Variants in DGCR2 observed in about 807,000 individuals in gnomAD.
The protein encoded by DGCR2 is DiGeorge syndrome critical region gene 2.
In DGCR2, 24 loss-of-function variants were observed where a neutral mutation model predicts 51.6. The observed-to-expected ratio is 0.47, with a 90% CI of 0.34 to 0.65. The LOEUF is 0.65. Ranked by LOEUF, DGCR2 falls within the 30% of genes least tolerant of loss-of-function variation. The pLI is 0.01. For synonymous variants in DGCR2, 340 were observed against 315.4 expected, an observed-to-expected ratio of 1.08 and a Z score of -0.82; for missense variants, 765 against 772.1, an observed-to-expected ratio of 0.99 and a Z score of 0.11.
intron 3 of DGCR2, 151 bp from the exon 4 acceptor site, chr22:19,065,218 C>T (rs2082735118): frequency 3.1e-6 from 2 of 642,318 alleles, no homozygotes; most frequent in South Asian, 1.9e-5. Context: ...GCTTCTGAAA[C>T]CACATTGCAG....
At chr22:19,062,671 G>A (rs1372243847) in intron 5 of DGCR2, among the ~76,000 whole-genome samples, 3 of 151,876 alleles carry the variant, frequency 2.0e-5, no homozygotes, top group Non-Finnish European at 4.4e-5. Context: ...AGCCAAGTCC[G>A]AGCCCAGGGA....
chr22:19,060,874 C>T lies in DGCR2; in HGVS notation c.625+2328G>A, dbSNP rs73157299. 3.5e-3 allele frequency: 1,809 copies of T among 516,178 alleles called. 7 individuals are homozygous for T. The highest frequency in any genetic ancestry group is 6.1e-3 in the Middle Eastern group (19 of 3,138). The allele number at this position is 516,178 out of a possible 1,614,324, so 32.0% of individuals were successfully genotyped here. A position where few individuals can be genotyped will look rare whatever the true frequency, so the allele number is the denominator to read the frequency against. On this transcript the variant is annotated intron_variant, in intron 5 of 9. Coordinates refer to ENST00000263196, the MANE Select transcript of DGCR2 (RefSeq NM_005137.3). ...CACAGGAACCCTGCGGAAACGAGCT[C>T]CCAACTTCAAATGTGTGTGCAGGGT...
chr22:19,048,250 C>T (rs1210751925), intron 7 of DGCR2, 190 bp downstream of exon 7: 4 of 627,238 alleles, frequency 6.4e-6, no homozygotes, highest in South Asian at 5.7e-5. Flanking sequence ...CTGGAGGGGT[C>T]GTGTCAGACA....
At chr22:19,078,598 C>A (rs1408155153) in intron 2 of DGCR2, among the ~76,000 whole-genome samples, 1 of 152,156 alleles carries the variant, frequency 6.6e-6, no homozygotes, top group Non-Finnish European at 1.5e-5. Flanking sequence ...AACTTCAATA[C>A]TATGGTGAAT....
intron 5 of DGCR2, among the ~76,000 whole-genome samples, chr22:19,058,045 C>G (rs977531058): frequency 3.3e-5 from 5 of 152,222 alleles, no homozygotes; most frequent in Non-Finnish European, 7.3e-5. Context: ...TGCTCTCCCC[C>G]TCCTAAGACA....
chr22:19,045,053 C>T (rs998044487), intron 7 of DGCR2, among the ~76,000 whole-genome samples: 3 of 152,150 alleles, frequency 2.0e-5, no homozygotes, highest in Non-Finnish European at 2.9e-5. Context: ...AAAGATTTCT[C>T]TCCTATGTTT....
intron 7 of DGCR2, among the ~76,000 whole-genome samples, chr22:19,042,449 AG>A (rs1413703334): frequency 2.6e-5 from 4 of 152,236 alleles, no homozygotes; most frequent in African/African-American, 9.6e-5. Flanking sequence ...TCAGTTGCCC[AG>A]CAAGAATGAG....
intron 1 of DGCR2, among the ~76,000 whole-genome samples, chr22:19,094,813 T>A (rs1432927184): frequency 6.6e-6 from 1 of 152,238 alleles, no homozygotes; most frequent in Non-Finnish European, 1.5e-5. Flanking sequence ...AGGAATAAGC[T>A]ATTAACACAT....
In DGCR2 at chr22:19,122,144, G is replaced by C; in HGVS notation, c.63C>G (p.Thr21=). 5 of 1,500,906 alleles carry C rather than the reference G, an allele frequency of 3.3e-6. No homozygotes were observed. The highest frequency in any genetic ancestry group is 4.4e-6 in the Non-Finnish European group (5 of 1,124,598). 93.0% of individuals were successfully genotyped at this position (1,500,906 alleles called of 1,614,324 possible). The change falls in exon 1 of 10, where the codon ACC becomes ACG. Residue 21 remains threonine, a synonymous_variant. Coordinates refer to ENST00000263196, the MANE Select transcript of DGCR2 (RefSeq NM_005137.3). The stretch of plus-strand genomic sequence containing the variant: ...GCGGCGCACCTGGCCGCAGCGGCTC[G>C]GTGACAGTGAGCACGAGCAGGAAGA... ...LLLFLLVLTV[T]EPLRPELRCN...
chr22:19,036,474 ACCGTGGCAAG>A lies in DGCR2; in HGVS notation c.*2381_*2390del, dbSNP rs2082369805. ...TCAGAGGGCACCTGGGCTCTGAGAA[ACCGTGGCAAG>A]CTGGTCCTAGAGGAGGAGGACCCCT... On this transcript the variant is annotated 3_prime_UTR_variant, in exon 10 of 10. Transcript: ENST00000263196. 6.6e-6 allele frequency: 1 copy of A among 152,516 alleles called. No homozygotes were observed. The highest frequency in any genetic ancestry group is 1.5e-5 in the Non-Finnish European group (1 of 68,076). The allele number at this position is 152,516 out of a possible 1,614,324, so 9.4% of individuals were successfully genotyped here. A position where few individuals can be genotyped will look rare whatever the true frequency, so the allele number is the denominator to read the frequency against.
intron 1 of DGCR2, among the ~76,000 whole-genome samples, chr22:19,105,973 C>A (rs1284565880): frequency 6.6e-6 from 1 of 152,098 alleles, no homozygotes; most frequent in Non-Finnish European, 1.5e-5. Flanking sequence ...CTAGCCCCTT[C>A]CCCATCGCTG....
chr22:19,070,181 G>A (rs1034629449), intron 2 of DGCR2, among the ~76,000 whole-genome samples: 3 of 152,188 alleles, frequency 2.0e-5, no homozygotes, highest in African/African-American at 7.2e-5. Flanking sequence ...CAGACTCGCT[G>A]GTAGCTCTGA....
chr22:19,063,014 A>T (rs1360500382), intron 5 of DGCR2, among the ~76,000 whole-genome samples, 188 bp downstream of exon 5: 3 of 152,146 alleles, frequency 2.0e-5, no homozygotes, highest in Non-Finnish European at 4.4e-5. Flanking sequence ...GCCACCGCCC[A>T]ATGCAGGGCC....
Position 19,041,807 on chromosome 22 carries a change from A to C in DGCR2, c.1159T>G (p.Leu387Val). Residue 387 changes from leucine (L) to valine (V), a missense_variant and splice_region_variant, in exon 8 of 10, where the codon TTG becomes GTG. By Grantham distance (32) the Leu-to-Val change is conservative (BLOSUM62 1). This residue lies in a region of DGCR2 where 190 missense variants were observed against 265.2 expected (regional missense o/e 0.72). Coordinates refer to ENST00000263196, the MANE Select transcript of DGCR2 (RefSeq NM_005137.3). ...GTTGTGGCCCTCAGAGGGCACTTAC[A>C]GTTTGCTCCAATCAGGGACTCGATG... ...ERIESLIGANLHHFNLGRRIP... is the reference protein window; with the variant it reads ...ERIESLIGANVHHFNLGRRIP... 1 of 1,611,642 alleles carries C rather than the reference A, an allele frequency of 6.2e-7. No homozygotes were observed. Among genetic ancestry groups the C allele is most frequent in the Admixed American group, 1.7e-5 (1 of 59,982 alleles).
At chr22:19,078,373 A>G (rs184473767) in intron 2 of DGCR2, among the ~76,000 whole-genome samples, 2,142 of 152,310 alleles carry the variant, frequency 0.014, 43 homozygotes, top group South Asian at 0.061. Flanking sequence ...TAGCTGAGTT[A>G]GTGTACATAA....
Position 19,041,151 on chromosome 22 carries a change from C to T in DGCR2, c.1303G>A (p.Ala435Thr), listed in dbSNP as rs2082426581. ...HFHDPPPPYT[A>T]YKYPDIGQPD... ...TGGCCGATGTCCGGGTACTTGTATG[C>T]CGTGTAGGGAGGTGGAGGGTCGTGG... The change falls in exon 9 of 10, where the codon GCA becomes ACA. Residue 435 changes from alanine (A) to threonine (T), a missense_variant. This residue lies in a region of DGCR2 where 205 missense variants were observed against 181.4 expected (regional missense o/e 1.13). Transcript: ENST00000263196. The T allele has an allele frequency of 6.2e-7, 1 of 1,613,896 alleles. No individual in the cohort carries two copies. The highest frequency in any genetic ancestry group is 1.3e-5 in the African/African-American group (1 of 74,912).
Position 19,057,492 on chromosome 22 carries a change from T to C in DGCR2, c.626-330A>G, listed in dbSNP as rs1271306387. Among the ~76,000 whole-genome samples the C allele has an allele frequency of 6.6e-6, 1 of 152,142 alleles. No individual in the cohort carries two copies. Among genetic ancestry groups the C allele is most frequent in the Non-Finnish European group, 1.5e-5 (1 of 68,032 alleles). On this transcript the variant is annotated intron_variant, in intron 5 of 9. Coordinates refer to ENST00000263196, the MANE Select transcript of DGCR2 (RefSeq NM_005137.3). This position sits in a 1 kb window ranked among gnomAD's most constrained non-coding sequence, Gnocchi z 5.1. ...ATTTAAAGTTAGAGCAACAGCATAATAACAAAGTAATGGATTGTGGCACAC... is the reference window on the plus strand; with the variant it reads ...ATTTAAAGTTAGAGCAACAGCATAACAACAAAGTAATGGATTGTGGCACAC...
chr22:19,096,624 AG>A (rs68122940), intron 1 of DGCR2, among the ~76,000 whole-genome samples: 124,473 of 151,422 alleles, frequency 0.82, 51,340 homozygotes, highest in Middle Eastern at 0.87. Flanking sequence ...AGACTAATGC[AG>A]GAAAAAGGAA....
intron 1 of DGCR2, among the ~76,000 whole-genome samples, chr22:19,100,998 C>T (rs1236814234): frequency 1.8e-4 from 27 of 151,880 alleles, no homozygotes; most frequent in Admixed American, 1.7e-3. Context: ...CCCAGCTACT[C>T]GGGAGGCTGA....
Sources: gnomAD v4.1 joint callset for allele counts (sites outside exome capture counted in the v4.1 genomes callset) on GRCh38, gnomAD v4.1.1 for gene constraint, gnomAD v4.1.1 regional missense constraint, Gnocchi (gnomAD v3.1) non-coding constraint, MANE v1.5 for transcripts, NCBI Gene and HGNC (gene_info 2026-07-23, HGNC 2026-07-21) for gene names.